LRP1B: variants seen among roughly 807,000 people sequenced by gnomAD.
LRP1B encodes LDL receptor related protein 1B.
In LRP1B, 217 loss-of-function variants were observed where a neutral mutation model predicts 556.6. The observed-to-expected ratio is 0.39, with a 90% CI of 0.35 to 0.44. LRP1B has a LOEUF of 0.44. Ranked by LOEUF, LRP1B falls within the 20% of genes least tolerant of loss-of-function variation. The pLI, the probability that LRP1B is intolerant of heterozygous loss-of-function variation, is 1.00. For synonymous variants in LRP1B, 2,047 were observed against 1,865.8 expected (o/e 1.10, Z -2.50); for missense variants, 5,053 against 5,620.8 (o/e 0.90, Z 3.23).
In LRP1B at chr2:140,903,809, TAA is replaced by T. The variant is rs5834788; in HGVS notation, c.3521-646_3521-645del. On this transcript the variant is annotated intron_variant, in intron 22 of 90. Coordinates refer to ENST00000389484, the MANE Select transcript of LRP1B (RefSeq NM_018557.3). ...CATGGAAACATCATAAGCAAAACAC[TAA>T]AAAAAAAAAAAAAAGTTGTCCTGGT... Among the ~76,000 whole-genome samples, 321 of 118,630 alleles carry T rather than the reference TAA, an allele frequency of 2.7e-3. 3 individuals carry two copies. The highest frequency in any genetic ancestry group is 6.6e-3 in the African/African-American group (219 of 33,162). 77.8% of individuals were successfully genotyped at this position (118,630 alleles called of 152,430 possible).
At chr2:141,322,963 T>C (rs1337647308) in intron 3 of LRP1B, among the ~76,000 whole-genome samples, 3 of 152,094 alleles carry the variant, frequency 2.0e-5, no homozygotes, top group African/African-American at 7.2e-5. Flanking sequence ...TTCTGCATAT[T>C]TGTTTACTCA....
intron 41 of LRP1B, among the ~76,000 whole-genome samples, chr2:140,633,802 T>A (rs1452214885): frequency 6.6e-6 from 1 of 152,080 alleles, no homozygotes; most frequent in Non-Finnish European, 1.5e-5. Context: ...AGAAATAGAA[T>A]CAACAATAAT....
rs138534735 is a variant in LRP1B, at chr2:141,937,888, CA to C, written c.83-127488del. ...TTGTGGATTGTGTAAGATAAGGATC[CA>C]GTTTCATTCTTTTGCCTGTAGATAA... On this transcript the variant is annotated intron_variant, in intron 1 of 90. Transcript: ENST00000389484. Among the ~76,000 whole-genome samples, 68 of 152,210 alleles carry C rather than the reference CA, an allele frequency of 4.5e-4. 1 individual carries two copies. The East Asian group carries it at 0.012, about 28-fold the overall frequency.
chr2:141,258,254 G>A (rs1684555006), intron 3 of LRP1B, among the ~76,000 whole-genome samples: 1 of 152,146 alleles, frequency 6.6e-6, no homozygotes, highest in African/African-American at 2.4e-5. Context: ...GGGAGGCCAA[G>A]GCAGGTGGAT....
At chr2:141,537,329 G>T (rs1685100214) in intron 2 of LRP1B, among the ~76,000 whole-genome samples, 1 of 151,964 alleles carries the variant, frequency 6.6e-6, no homozygotes, top group South Asian at 2.1e-4. Context: ...AAACAGCAGG[G>T]TGTGGAATCA....
intron 6 of LRP1B, among the ~76,000 whole-genome samples, chr2:141,192,334 G>A (rs921445979): frequency 1.3e-5 from 2 of 151,862 alleles, no homozygotes; most frequent in African/African-American, 4.8e-5. Context: ...ATTTTTAAAA[G>A]TCTAAATTAT....
chr2:142,117,355 G>T (rs1490500917), intron 1 of LRP1B, among the ~76,000 whole-genome samples: 1 of 152,038 alleles, frequency 6.6e-6, no homozygotes, highest in Non-Finnish European at 1.5e-5. Context: ...ATTCATCCTC[G>T]TATTCTTCTT....
Position 141,572,417 on chromosome 2 carries a change from G to T in LRP1B, c.206-91884C>A, listed in dbSNP as rs183873354. Among the ~76,000 whole-genome samples, 12 of 152,246 alleles carry T rather than the reference G, an allele frequency of 7.9e-5. No homozygotes were observed. In the East Asian group the frequency reaches 2.3e-3, roughly 29 times the overall value. On this transcript the variant is annotated intron_variant, in intron 2 of 90. Transcript: ENST00000389484. Reference sequence around the variant, plus strand: ...TTGCCACCAGGCCTGCCCTGCAAGAGATCCTGAAAGAAGCACTAAATATGG... The same window carrying T: ...TTGCCACCAGGCCTGCCCTGCAAGATATCCTGAAAGAAGCACTAAATATGG...
At chr2:140,702,363 A>G in intron 38 of LRP1B, 64 bp downstream of exon 38, 2 of 1,606,948 alleles carry the variant, frequency 1.2e-6, no homozygotes, top group South Asian at 2.2e-5. Flanking sequence ...AAGGAACACT[A>G]AAAGTAGGTA....
chr2:140,477,076 C>T (rs1383629337), intron 59 of LRP1B, among the ~76,000 whole-genome samples: 2 of 151,912 alleles, frequency 1.3e-5, no homozygotes, highest in Admixed American at 6.6e-5. Flanking sequence ...CAGTACTTTC[C>T]AATAAATTTA....
intron 59 of LRP1B, among the ~76,000 whole-genome samples, chr2:140,484,679 A>G (rs1159973086): frequency 6.6e-6 from 1 of 152,156 alleles, no homozygotes; most frequent in Admixed American, 6.6e-5. Context: ...AGTGAATTAT[A>G]ATGGTCATAA....
chr2:141,815,234 T>G (rs1213549363), intron 1 of LRP1B, among the ~76,000 whole-genome samples: 1 of 152,214 alleles, frequency 6.6e-6, no homozygotes, highest in Non-Finnish European at 1.5e-5. Flanking sequence ...AGATTGATTT[T>G]TAGCTGGTAG....
At chr2:141,770,278 C>T (rs1694859468) in intron 2 of LRP1B, among the ~76,000 whole-genome samples, 1 of 151,892 alleles carries the variant, frequency 6.6e-6, no homozygotes, top group Non-Finnish European at 1.5e-5. Context: ...GATTTTAAAT[C>T]CTCATTTCTA....
intron 2 of LRP1B, among the ~76,000 whole-genome samples, chr2:141,627,594 T>A (rs926951948): frequency 2.6e-5 from 4 of 152,104 alleles, no homozygotes; most frequent in African/African-American, 9.7e-5. Context: ...ATGCTAAGGA[T>A]CTAGGTTGCA....
chr2:141,768,866 T>C (rs548115769), intron 2 of LRP1B, among the ~76,000 whole-genome samples: 1 of 135,534 alleles, frequency 7.4e-6, no homozygotes, highest in East Asian at 2.0e-4. Flanking sequence ...TATTAAGAGA[T>C]ACAGATATGT....
intron 25 of LRP1B, among the ~76,000 whole-genome samples, chr2:140,879,513 C>T (rs1693408766): frequency 2.0e-5 from 3 of 151,912 alleles, no homozygotes; most frequent in Admixed American, 2.0e-4. Context: ...ATTAGTCACC[C>T]TAGAAGTGTT....
chr2:141,912,210 C>A (rs1045097612), intron 1 of LRP1B, among the ~76,000 whole-genome samples: 1 of 152,108 alleles, frequency 6.6e-6, no homozygotes, highest in Admixed American at 6.6e-5. Context: ...AGAGTGCTGC[C>A]AAAGACTGAA....
At position 142,094,896 on chromosome 2, in the gene LRP1B, G is replaced by C. The variant is rs1706304649; in HGVS notation, c.82+35752C>G. 3.3e-5 allele frequency among the ~76,000 whole-genome samples: 5 copies of C among 151,730 alleles called. No individual in the cohort carries two copies. In the South Asian group the frequency reaches 1.0e-3, roughly 31 times the overall value. ...ATAAGTGAATCGATAACTGAAAATA[G>C]GAGAAAATAGTTCAAGAGTAAAAAT... On this transcript the variant is annotated intron_variant, in intron 1 of 90. Coordinates refer to ENST00000389484, the MANE Select transcript of LRP1B (RefSeq NM_018557.3).
chr2:141,322,634 C>A (rs187930012), intron 3 of LRP1B, among the ~76,000 whole-genome samples: 1 of 152,042 alleles, frequency 6.6e-6, no homozygotes, highest in East Asian at 1.9e-4. Context: ...TTTCCAATAC[C>A]CTAAATATCA....
Sources: allele counts gnomAD v4.1 joint callset (sites outside exome capture counted in the v4.1 genomes callset), GRCh38; gene constraint gnomAD v4.1.1; transcripts MANE v1.5; gene names NCBI Gene and HGNC (gene_info 2026-07-23, HGNC 2026-07-21).